Variants in AGTPBP1 observed in about 807,000 individuals in gnomAD.
AGTPBP1 encodes the protein ATP/GTP binding carboxypeptidase 1.
A neutral mutation model predicts 143.9 loss-of-function variants in AGTPBP1; 70 were observed. That is an observed-to-expected ratio of 0.49 (90% CI 0.40 to 0.59). The LOEUF is 0.59. AGTPBP1 is among the 20% of genes least tolerant of loss of function. The pLI is 0.00. For synonymous variants in AGTPBP1, 463 were observed against 500.2 expected (o/e 0.93, Z 0.99); for missense variants, 1,229 against 1,464.5 (o/e 0.84, Z 2.62).
chr9:85,695,863 A>T (rs62569251), intron 2 of AGTPBP1, among the ~76,000 whole-genome samples: 2,524 of 150,782 alleles, frequency 0.017, 25 homozygotes, highest in Middle Eastern at 0.051. Flanking sequence ...TTTTTTTCAG[A>T]CAGAGTCTCG....
At chr9:85,765,321 A>G in the AGTPBP1 span, among the ~76,000 whole-genome samples, 1 of 152,162 alleles carries the variant, frequency 6.6e-6, no homozygotes, top group Non-Finnish European at 1.5e-5. Context: ...TTTATTACAT[A>G]CAAGAGATGC....
the AGTPBP1 span, among the ~76,000 whole-genome samples, chr9:85,803,889 G>C: frequency 1.3e-5 from 2 of 152,094 alleles, no homozygotes; most frequent in African/African-American, 4.8e-5. Context: ...CAATTATCTA[G>C]AAACTCAAAA....
intron 17 of AGTPBP1, among the ~76,000 whole-genome samples, chr9:85,617,794 G>T (rs1436163278): frequency 2.0e-5 from 3 of 152,138 alleles, no homozygotes; most frequent in African/African-American, 7.2e-5. Context: ...AGACCCTGCA[G>T]AAATCAAAAG....
chr9:85,627,103 G>A (rs977554291), intron 14 of AGTPBP1, among the ~76,000 whole-genome samples: 1 of 152,102 alleles, frequency 6.6e-6, no homozygotes, highest in African/African-American at 2.4e-5. Flanking sequence ...AAAGAATTAT[G>A]AAACAATACT....
chr9:85,637,451 G>A (rs1832144699), intron 13 of AGTPBP1, among the ~76,000 whole-genome samples: 1 of 152,156 alleles, frequency 6.6e-6, no homozygotes, highest in Admixed American at 6.5e-5. Flanking sequence ...AAATTGTGGT[G>A]TATTTACAAA....
the AGTPBP1 span, among the ~76,000 whole-genome samples, chr9:85,789,876 C>T: frequency 4.6e-5 from 7 of 152,156 alleles, no homozygotes; most frequent in East Asian, 1.4e-3. Context: ...AGTGGGAGTT[C>T]GGTTCTGTGG....
chr9:85,712,186 A>C (rs1332236784), intron 2 of AGTPBP1, among the ~76,000 whole-genome samples: 1 of 151,896 alleles, frequency 6.6e-6, no homozygotes, highest in Non-Finnish European at 1.5e-5. Flanking sequence ...AATCACTTGA[A>C]CCCAGAGGCA....
intron 3 of AGTPBP1, among the ~76,000 whole-genome samples, chr9:85,688,468 T>C (rs1359843336): frequency 1.3e-5 from 2 of 151,968 alleles, no homozygotes; most frequent in Non-Finnish European, 2.9e-5. Flanking sequence ...GGGGAAAAAG[T>C]GGGGCAGACA....
intron 2 of AGTPBP1, among the ~76,000 whole-genome samples, chr9:85,708,707 T>C (rs991882412): frequency 6.6e-6 from 1 of 151,874 alleles, no homozygotes; most frequent in African/African-American, 2.4e-5. Flanking sequence ...CCGTAGTTTT[T>C]ATATTTTTAG....
At chr9:85,662,783 A>G (rs987132164) in intron 8 of AGTPBP1, among the ~76,000 whole-genome samples, 7 of 152,180 alleles carry the variant, frequency 4.6e-5, no homozygotes, top group African/African-American at 1.4e-4. Context: ...AAATTATGCA[A>G]TCAGAAATGT....
At chr9:85,625,904 GTTTTTTT>G (rs368474275) in intron 14 of AGTPBP1, among the ~76,000 whole-genome samples, 2 of 105,720 alleles carry the variant, frequency 1.9e-5, no homozygotes, top group Non-Finnish European at 3.6e-5. Context: ...ACCTAGTTTT[GTTTTTTT>G]TTTTTTTTTT....
At chr9:85,722,672 T>C (rs928609120) in intron 1 of AGTPBP1, among the ~76,000 whole-genome samples, 3 of 152,244 alleles carry the variant, frequency 2.0e-5, no homozygotes, top group Non-Finnish European at 2.9e-5. Context: ...AGCCTACTTC[T>C]GTCAACTCAT....
the AGTPBP1 span, among the ~76,000 whole-genome samples, chr9:85,791,880 GC>G: frequency 6.6e-6 from 1 of 151,490 alleles, no homozygotes. Context: ...AAATTGTGGA[GC>G]CATTCAATAG....
At chr9:85,759,699 A>G in the AGTPBP1 span, among the ~76,000 whole-genome samples, 3 of 152,212 alleles carry the variant, frequency 2.0e-5, no homozygotes, top group Non-Finnish European at 4.4e-5. Flanking sequence ...GCCTAACATC[A>G]CAATTAAAAG....
chr9:85,619,344 T>C (rs1023782772), intron 15 of AGTPBP1, 43 bp from the exon 16 acceptor site: 2 of 1,379,706 alleles, frequency 1.4e-6, no homozygotes, highest in African/African-American at 2.9e-5. Context: ...ATACATTGCA[T>C]TTAAACAGAT....
intron 25 of AGTPBP1, among the ~76,000 whole-genome samples, chr9:85,561,155 A>AGTT (rs1826686709): frequency 6.6e-6 from 1 of 152,128 alleles, no homozygotes; most frequent in African/African-American, 2.4e-5. Context: ...TGAGGTCAGG[A>AGTT]GTTCAAGACC....
intron 17 of AGTPBP1, among the ~76,000 whole-genome samples, chr9:85,618,150 G>A (rs764979736): frequency 1.1e-4 from 17 of 151,428 alleles, no homozygotes; most frequent in Admixed American, 3.3e-4. Context: ...GGGGAATCAC[G>A]TGAACCTGAG....
chr9:85,547,516 T>C (rs970713888), intron 25 of AGTPBP1, among the ~76,000 whole-genome samples: 1 of 152,232 alleles, frequency 6.6e-6, no homozygotes, highest in Non-Finnish European at 1.5e-5. Context: ...AGTATCAATA[T>C]ATATCCTAAA....
the AGTPBP1 span, among the ~76,000 whole-genome samples, chr9:85,761,912 TCAAA>T: frequency 6.6e-6 from 1 of 151,950 alleles, no homozygotes; most frequent in Non-Finnish European, 1.5e-5. Context: ...TACAATGAAC[TCAAA>T]CAAATTTACA....
Sources: gnomAD v4.1 joint callset for allele counts (sites outside exome capture counted in the v4.1 genomes callset) on GRCh38, gnomAD v4.1.1 for gene constraint, MANE v1.5 for transcripts, NCBI Gene and HGNC (gene_info 2026-07-23, HGNC 2026-07-21) for gene names.